Variants in SLC45A4 observed in about 807,000 individuals in gnomAD.
SLC45A4 encodes the protein polyamine-transporter SLC45A4.
SLC45A4 carries 32 observed loss-of-function variants against 63.7 expected under a neutral mutation model. That is an observed-to-expected ratio of 0.50 (90% CI 0.38 to 0.67). The LOEUF (loss-of-function observed/expected upper bound fraction) is 0.67, where lower values mean the gene tolerates loss of function less well. Among genes scored for constraint, SLC45A4 ranks in the 30% least tolerant of loss-of-function variants. The pLI is 0.00. For missense variants in SLC45A4, 1,027 were observed against 1,157.7 expected (o/e 0.89, Z 1.64); for synonymous variants, 535 against 510.0 (o/e 1.05, Z -0.66).
Position 141,211,386 on chromosome 8 carries a change from C to G in SLC45A4, c.*186G>C. 1 of 1,513,320 alleles carries G rather than the reference C, an allele frequency of 6.6e-7. No individual in the cohort carries two copies. Among genetic ancestry groups the G allele is most frequent in the Non-Finnish European group, 8.8e-7 (1 of 1,133,036 alleles). The allele number at this position is 1,513,320 out of a possible 1,614,324, so 93.7% of individuals were successfully genotyped here. A position where few individuals can be genotyped will look rare whatever the true frequency, so the allele number is the denominator to read the frequency against. On this transcript the variant is annotated 3_prime_UTR_variant, in exon 9 of 9. Coordinates refer to ENST00000517878, the MANE Select transcript of SLC45A4 (RefSeq NM_001286646.2). ...GCTCGTCTGGAGCTCACGCTCCGCC[C>G]CCAGGTGGTGCCCAGCCCATCCCTG...
chr8:141,274,496 T>G (rs1314614650), intron 1 of SLC45A4, among the ~76,000 whole-genome samples: 3 of 143,094 alleles, frequency 2.1e-5, no homozygotes, highest in Non-Finnish European at 4.5e-5. Flanking sequence ...ATCGCACCAT[T>G]GCACTCCAGC....
Position 141,211,696 on chromosome 8 carries a change from G to A in SLC45A4, c.2303C>T (p.Thr768Met), listed in dbSNP as rs758936669. ...CTGACAGACGTCAATACCTGCAGGC[G>A]TCTACAGAGAGGAAATTTGATAAAA... Reference protein sequence around the residue: ...LQGPVETESVTPAGIDVCQIS... With the variant: ...LQGPVETESVMPAGIDVCQIS... The change falls in exon 9 of 9, where the codon ACG becomes ATG. Residue 768 changes from threonine to methionine, a missense_variant and splice_region_variant. Transcript: ENST00000517878. 2.3e-5 allele frequency: 35 copies of A among 1,546,432 alleles called. No individual in the cohort carries two copies. In the Admixed American group the frequency reaches 6.1e-4, roughly 27 times the overall value.
rs184354085 is a variant in SLC45A4, at chr8:141,281,759, T to A, written c.-401+26337A>T. Among the ~76,000 whole-genome samples, 155 of 152,332 alleles carry A rather than the reference T, an allele frequency of 1.0e-3. 1 individual carries two copies. The highest frequency in any genetic ancestry group is 6.3e-4 in the Non-Finnish European group (43 of 68,020). On this transcript the variant is annotated intron_variant, in intron 1 of 8. Coordinates refer to ENST00000517878, the MANE Select transcript of SLC45A4 (RefSeq NM_001286646.2). ...TCAATGGCTCAAAAGAATAAAAGAA[T>A]CATCTAATAATGATGATATCATTGG...
At position 141,211,357 on chromosome 8, in the gene SLC45A4, A is replaced by G; in HGVS notation, c.*215T>C. The G allele has an allele frequency of 7.0e-7, 1 of 1,426,090 alleles. No homozygotes were observed. 88.3% of individuals were successfully genotyped at this position (1,426,090 alleles called of 1,614,324 possible). On this transcript the variant is annotated 3_prime_UTR_variant, in exon 9 of 9. Coordinates refer to ENST00000517878, the MANE Select transcript of SLC45A4 (RefSeq NM_001286646.2). ...CGCAGACACACTCACACGCGCACGC[A>G]GGAGCTCGTCTGGAGCTCACGCTCC...
chr8:141,258,060 CTTTTT>C (rs3072057), intron 1 of SLC45A4, among the ~76,000 whole-genome samples: 5 of 123,326 alleles, frequency 4.1e-5, no homozygotes, highest in Non-Finnish European at 4.9e-5. Flanking sequence ...TTTCTTCTTC[CTTTTT>C]TTTTTTTTTT....
At chr8:141,296,310 G>A (rs1830548421) in intron 1 of SLC45A4, among the ~76,000 whole-genome samples, 1 of 151,826 alleles carries the variant, frequency 6.6e-6, no homozygotes, top group Non-Finnish European at 1.5e-5. Context: ...ACTTTAGCCT[G>A]GGCAACAGAG....
intron 1 of SLC45A4, among the ~76,000 whole-genome samples, chr8:141,257,030 T>G (rs888261314): frequency 6.6e-6 from 1 of 152,130 alleles, no homozygotes; most frequent in Non-Finnish European, 1.5e-5. Context: ...ACTTTTGTAT[T>G]TTTAGTAGAC....
chr8:141,274,483 G>A (rs1162192876), intron 1 of SLC45A4, among the ~76,000 whole-genome samples: 3 of 148,814 alleles, frequency 2.0e-5, no homozygotes, highest in Middle Eastern at 3.4e-3. Flanking sequence ...GCAGTGAGCC[G>A]CGATCGCACC....
intron 2 of SLC45A4, among the ~76,000 whole-genome samples, chr8:141,222,095 A>G (rs1437258915): frequency 4.7e-5 from 1 of 21,354 alleles, no homozygotes; most frequent in Non-Finnish European, 1.0e-4. Context: ...CCAGGGCTGG[A>G]CACAGGGCTG....
chr8:141,285,892 C>A (rs1300362481), intron 1 of SLC45A4, among the ~76,000 whole-genome samples: 2 of 152,184 alleles, frequency 1.3e-5, no homozygotes, highest in Non-Finnish European at 2.9e-5. Context: ...ACCTCTGGAA[C>A]CTGTGTGGTG....
Position 141,218,585 on chromosome 8 carries a change from G to A in SLC45A4, c.1055C>T (p.Ala352Val), listed in dbSNP as rs1194354794. The A allele has an allele frequency of 1.2e-6, 2 of 1,613,488 alleles. No homozygotes were observed. The highest frequency in any genetic ancestry group is 8.5e-7 in the Non-Finnish European group (1 of 1,179,910). ...GGCCAGGCGGGGCAGCTTGGTCTTG[G>A]CGAGCTCCTGGCTGGTGCTGCGGGG... ...ATPRSTSQEL[A>V]KTKLPRLATF... The change falls in exon 5 of 9, where the codon GCC (alanine) becomes GTC (valine). Residue 352 changes from alanine (A) to valine (V), a missense_variant. Ala to Val is a moderately conservative substitution (Grantham distance 64). Coordinates refer to ENST00000517878, the MANE Select transcript of SLC45A4 (RefSeq NM_001286646.2).
chr8:141,291,067 T>C (rs1176112979), intron 1 of SLC45A4, among the ~76,000 whole-genome samples: 1 of 152,182 alleles, frequency 6.6e-6, no homozygotes, highest in African/African-American at 2.4e-5. Context: ...CAGGCTGGTC[T>C]CAAACTCCTG....
At position 141,282,603 on chromosome 8, in the gene SLC45A4, T is replaced by C. The variant is rs115494400; in HGVS notation, c.-401+25493A>G. On this transcript the variant is annotated intron_variant, in intron 1 of 8. Coordinates refer to ENST00000517878, the MANE Select transcript of SLC45A4 (RefSeq NM_001286646.2). ...AGCTCGTGGATGCGGTCCTCCCTTT[T>C]CCATGAACTCTGCACTCGCCTCCCC... 2.5e-3 allele frequency among the ~76,000 whole-genome samples: 383 copies of C among 152,358 alleles called. 1 individual carries two copies. Among genetic ancestry groups the C allele is most frequent in the African/African-American group, 9.0e-3 (376 of 41,588 alleles).
At chr8:141,304,747 G>A (rs1459347116) in intron 1 of SLC45A4, among the ~76,000 whole-genome samples, 1 of 152,050 alleles carries the variant, frequency 6.6e-6, no homozygotes, top group Non-Finnish European at 1.5e-5. Flanking sequence ...CCGTCTTCCT[G>A]GGGCAATAAC....
In SLC45A4 at chr8:141,256,476, G is replaced by A. The variant is rs774000173; in HGVS notation, c.-400-1847C>T. ...AAACCTCGAGGTGCTGTCTTCACTCGGCTCCTCTCTCACACAGCCCTGATG... is the reference window on the plus strand; with the variant it reads ...AAACCTCGAGGTGCTGTCTTCACTCAGCTCCTCTCTCACACAGCCCTGATG... On this transcript the variant is annotated intron_variant, in intron 1 of 8. Coordinates refer to ENST00000517878, the MANE Select transcript of SLC45A4 (RefSeq NM_001286646.2). The surrounding 1 kb of genome is among the most constrained non-coding windows in gnomAD (Gnocchi z 4.3). 36 of 450,502 alleles carry A rather than the reference G, an allele frequency of 8.0e-5. No homozygotes were observed. The highest frequency in any genetic ancestry group is 2.4e-4 in the Admixed American group (10 of 41,898). The allele number at this position is 450,502 out of a possible 1,614,324, so 27.9% of individuals were successfully genotyped here. A position where few individuals can be genotyped will look rare whatever the true frequency, so the allele number is the denominator to read the frequency against.
At chr8:141,269,577 T>C (rs2154614899) in intron 1 of SLC45A4, among the ~76,000 whole-genome samples, 1 of 151,490 alleles carries the variant, frequency 6.6e-6, no homozygotes, top group South Asian at 2.1e-4. Flanking sequence ...TCTGCCTATG[T>C]GTCTGTGTGT....
At chr8:141,264,255 C>A (rs977411292) in intron 1 of SLC45A4, among the ~76,000 whole-genome samples, 3 of 152,188 alleles carry the variant, frequency 2.0e-5, no homozygotes, top group Non-Finnish European at 4.4e-5. Context: ...CTTTGCATCT[C>A]CCGGTGGCCC....
intron 1 of SLC45A4, among the ~76,000 whole-genome samples, chr8:141,274,142 T>C (rs1829641742): frequency 1.3e-5 from 2 of 151,988 alleles, no homozygotes; most frequent in Non-Finnish European, 2.9e-5. Flanking sequence ...GGCAGGAGAA[T>C]GGCGTGAACC....
rs541022405 is a variant in SLC45A4, at chr8:141,246,629, G to C, written c.241+7360C>G. On this transcript the variant is annotated intron_variant, in intron 2 of 8. Coordinates refer to ENST00000517878, the MANE Select transcript of SLC45A4 (RefSeq NM_001286646.2). ...CAAGGGGAGGGCATTGCACAAGGCC[G>C]TGAAAGCCAAGGGGTGAAGGTCACG... 3.5e-4 allele frequency among the ~76,000 whole-genome samples: 6 copies of C among 17,378 alleles called. No individual in the cohort carries two copies. In the South Asian group the frequency reaches 7.0e-3, roughly 20 times the overall value. 11.4% of individuals were successfully genotyped at this position (17,378 alleles called of 152,430 possible).
Sources: allele counts gnomAD v4.1 joint callset (sites outside exome capture counted in the v4.1 genomes callset), GRCh38; gene constraint gnomAD v4.1.1; non-coding constraint Gnocchi (gnomAD v3.1); transcripts MANE v1.5; gene names NCBI Gene and HGNC (gene_info 2026-07-23, HGNC 2026-07-21).